Variants in DIAPH1 observed in about 807,000 individuals in gnomAD.
The protein encoded by DIAPH1 is diaphanous related formin 1, also known as protein diaphanous homolog 1.
Under a neutral mutation model 140.7 loss-of-function variants are expected in DIAPH1, and 46 were observed. The ratio of observed to expected loss-of-function variants is 0.33; its 90% CI spans 0.26 to 0.42. The LOEUF (loss-of-function observed/expected upper bound fraction) is 0.42, where lower values mean the gene tolerates loss of function less well. Among genes scored for constraint, DIAPH1 ranks in the 10% least tolerant of loss-of-function variants. The pLI, the probability that DIAPH1 is intolerant of heterozygous loss-of-function variation, is 1.00. For synonymous variants in DIAPH1, 565 were observed against 551.6 expected (o/e 1.02, Z -0.34); for missense variants, 1,310 against 1,558.7 (o/e 0.84, Z 2.69).
Position 141,528,798 on chromosome 5 carries a change from G to A in DIAPH1, c.2922C>T (p.Ser974=). ...CAAGCAAGGTAATCTCTAGGAGATT[G>A]GAAAAGCTCTCACTCTTACGTAACT... The part of the protein sequence containing the change: ...CEELRKSESF[S]NLLEITLLVG... Residue 974 remains serine (S), a synonymous_variant, in exon 22 of 28, where the codon TCC becomes TCT. Transcript: ENST00000389054. 6.2e-7 allele frequency: 1 copy of A among 1,614,214 alleles called. No homozygotes were observed. Among genetic ancestry groups the A allele is most frequent in the South Asian group, 1.1e-5 (1 of 91,086 alleles).
At position 141,542,446 on chromosome 5, in the gene DIAPH1, A is replaced by G. The variant is rs564443432; in HGVS notation, c.2483-8013T>C. Among the ~76,000 whole-genome samples, 36 of 152,192 alleles carry G rather than the reference A, an allele frequency of 2.4e-4. 1 individual carries two copies. In the South Asian group the frequency reaches 6.4e-3, roughly 27 times the overall value. On this transcript the variant is annotated intron_variant, in intron 18 of 27. Transcript: ENST00000389054. ...GGACTCTGTCTTGGGAAAAAAAAAA[A>G]AAAGAAATTGTCTGTCTGTCAATTA...
chr5:141,592,015 G>A (rs935823097), intron 1 of DIAPH1, among the ~76,000 whole-genome samples: 2 of 150,122 alleles, frequency 1.3e-5, no homozygotes, highest in African/African-American at 4.9e-5. Flanking sequence ...CCGGGAGGCG[G>A]AGGTTGCAGT....
chr5:141,526,746 G>A (rs935561722), intron 24 of DIAPH1, among the ~76,000 whole-genome samples: 1 of 152,180 alleles, frequency 6.6e-6, no homozygotes. Flanking sequence ...CGCCGGGCAG[G>A]AGTGCAGTGG....
At chr5:141,570,619 G>A (rs1221961162) in intron 18 of DIAPH1, among the ~76,000 whole-genome samples, 3 of 152,052 alleles carry the variant, frequency 2.0e-5, no homozygotes, top group African/African-American at 7.2e-5. Flanking sequence ...AAAAGGAATT[G>A]CCTTTAAAAA....
chr5:141,561,299 C>T (rs1472611816), intron 18 of DIAPH1, among the ~76,000 whole-genome samples: 1 of 151,578 alleles, frequency 6.6e-6, no homozygotes, highest in Non-Finnish European at 1.5e-5. Context: ...ATGGGGTTAC[C>T]AATGCCCTTC....
chr5:141,557,665 A>G (rs2154595809), intron 18 of DIAPH1: 1 of 152,340 alleles, frequency 6.6e-6, no homozygotes, highest in East Asian at 1.9e-4. Flanking sequence ...ATTAGAGTCT[A>G]GATGAGGCAG....
intron 1 of DIAPH1, among the ~76,000 whole-genome samples, chr5:141,605,897 G>A (rs1175890832): frequency 6.6e-6 from 1 of 152,144 alleles, no homozygotes; most frequent in East Asian, 1.9e-4. Flanking sequence ...CTAGAAGTAA[G>A]TAACGAACAG....
At chr5:141,538,162 G>C (rs1280490565) in intron 18 of DIAPH1, among the ~76,000 whole-genome samples, 1 of 144,756 alleles carries the variant, frequency 6.9e-6, no homozygotes, top group Admixed American at 7.0e-5. Flanking sequence ...CTGGGTTCAC[G>C]CCATTCTCCT....
At chr5:141,591,695 G>GAGATAGATAT (rs1212743856) in intron 1 of DIAPH1, among the ~76,000 whole-genome samples, 1 of 86,326 alleles carries the variant, frequency 1.2e-5, no homozygotes, top group African/African-American at 5.7e-5. Flanking sequence ...GGGAGATGGG[G>GAGATAGATAT]ATATATATAT....
intron 19 of DIAPH1, among the ~76,000 whole-genome samples, chr5:141,531,321 T>TG (rs1363517455): frequency 6.6e-6 from 1 of 151,982 alleles, no homozygotes; most frequent in African/African-American, 2.4e-5. Context: ...CTCTCTTTTT[T>TG]TTTTTTGAGA....
intron 1 of DIAPH1, among the ~76,000 whole-genome samples, chr5:141,605,064 C>T (rs2099900723): frequency 6.6e-6 from 1 of 152,070 alleles, no homozygotes; most frequent in Non-Finnish European, 1.5e-5. Context: ...TTCCATATAT[C>T]ATGTACTGTT....
intron 27 of DIAPH1, among the ~76,000 whole-genome samples, chr5:141,521,911 T>C (rs2099886609): frequency 6.6e-6 from 1 of 152,236 alleles, no homozygotes; most frequent in South Asian, 2.1e-4. Context: ...CCATTCATTC[T>C]AGTCCAACTC....
chr5:141,549,403 A>C (rs1226098456), intron 18 of DIAPH1, among the ~76,000 whole-genome samples: 1 of 152,206 alleles, frequency 6.6e-6, no homozygotes, highest in African/African-American at 2.4e-5. Context: ...AAAGTTAAAA[A>C]TTGAGTGAAC....
intron 23 of DIAPH1, 26 bp from the exon 24 acceptor site, chr5:141,527,723 CCAT>C: frequency 1.7e-6 from 2 of 1,203,254 alleles, no homozygotes; most frequent in Non-Finnish European, 2.3e-6. Flanking sequence ...AAAAAAAAAA[CCAT>C]AAAAACAGAC....
chr5:141,523,040 A>G (rs917571808), intron 27 of DIAPH1, among the ~76,000 whole-genome samples: 43 of 152,340 alleles, frequency 2.8e-4, no homozygotes, highest in African/African-American at 1.0e-3. Flanking sequence ...ATAGGCTAGC[A>G]TGCTCTAAGG....
chr5:141,618,743 G>A, intron 1 of DIAPH1, 55 bp downstream of exon 1: 2 of 1,297,360 alleles, frequency 1.5e-6, no homozygotes, highest in South Asian at 1.3e-5. Context: ...CCGGCTGCAG[G>A]GGTCCAGAGG....
chr5:141,538,195 GGATT>G (rs1487919192), intron 18 of DIAPH1, among the ~76,000 whole-genome samples: 8 of 151,284 alleles, frequency 5.3e-5, no homozygotes. Flanking sequence ...TGAGTAGCTG[GGATT>G]ACAGGCACCC....
intron 11 of DIAPH1, 120 bp downstream of exon 11, chr5:141,578,105 G>C: frequency 1.2e-6 from 1 of 818,068 alleles, no homozygotes; most frequent in South Asian, 1.3e-5. Flanking sequence ...TTAATGAGAA[G>C]ACACATAAGC....
intron 1 of DIAPH1, among the ~76,000 whole-genome samples, chr5:141,595,836 T>C (rs2099899231): frequency 6.6e-6 from 1 of 152,172 alleles, no homozygotes; most frequent in Admixed American, 6.5e-5. Context: ...TCTCTATACC[T>C]TCATCTCAAT....
Sources: gnomAD v4.1 joint callset for allele counts (sites outside exome capture counted in the v4.1 genomes callset) on GRCh38, gnomAD v4.1.1 for gene constraint, MANE v1.5 for transcripts, NCBI Gene and HGNC (gene_info 2026-07-23, HGNC 2026-07-21) for gene names.